LIPA: variants seen among roughly 807,000 people sequenced by gnomAD.
LIPA encodes lysosomal acid lipase/cholesteryl ester hydrolase.
Under a neutral mutation model 40.6 loss-of-function variants are expected in LIPA, and 26 were observed. That is an observed-to-expected ratio of 0.64 (90% confidence interval 0.47 to 0.89). The LOEUF (loss-of-function observed/expected upper bound fraction) is 0.89. Ranked by LOEUF, LIPA falls within the 40% of genes least tolerant of loss-of-function variation. The pLI is 0.00. For synonymous variants in LIPA, 188 were observed against 168.4 expected (o/e 1.12, Z -0.90); for missense variants, 455 against 479.6 (o/e 0.95, Z 0.48).
intron 1 of LIPA, among the ~76,000 whole-genome samples, chr10:89,328,631 T>C (rs180687368): frequency 1.8e-4 from 27 of 152,218 alleles, no homozygotes; most frequent in African/African-American, 6.5e-4. Flanking sequence ...TACTTTAAGG[T>C]GGGAAGTGGA....
chr10:89,225,058 G>A (rs1441496389), intron 6 of LIPA, 34 bp downstream of exon 6: 18 of 1,611,194 alleles, frequency 1.1e-5, no homozygotes, highest in African/African-American at 2.7e-5. Flanking sequence ...GGAAATCTGC[G>A]GGGAGAGGAG....
chr10:89,342,391 G>A (rs1024697220), intron 1 of LIPA: 1 of 152,176 alleles, frequency 6.6e-6, no homozygotes, highest in East Asian at 1.9e-4. Flanking sequence ...AGGAGACCCT[G>A]GTTCTAAGAC....
In LIPA at chr10:89,384,807, C is replaced by T. The variant is rs1844193768; in HGVS notation, c.61+27984G>A. The T allele has an allele frequency of 7.5e-6, 10 of 1,333,590 alleles. No homozygotes were observed. The South Asian group carries it at 1.3e-4, about 17-fold the overall frequency. 82.6% of individuals were successfully genotyped at this position (1,333,590 alleles called of 1,614,324 possible). On this transcript the variant is annotated intron_variant, in intron 2 of 8. Transcript: ENST00000371837. ...AGAATGACTATGAAATTAAATAATGCAAACTTAAAGCTGTTGGAAATTTAC... is the reference window on the plus strand; with the variant it reads ...AGAATGACTATGAAATTAAATAATGTAAACTTAAAGCTGTTGGAAATTTAC...
chr10:89,378,046 G>C (rs1262123171), intron 2 of LIPA: 1 of 1,414,114 alleles, frequency 7.1e-7, no homozygotes, highest in Non-Finnish European at 1.0e-6. Context: ...ATGCTTATCT[G>C]AGAAGCCCTA....
rs1449941002 is a variant in LIPA at position 89,214,857 on chromosome 10, T to C, written c.1171A>G (p.Ile391Val). 6 of 1,609,280 alleles carry C rather than the reference T, an allele frequency of 3.7e-6. No individual in the cohort carries two copies. The East Asian group carries it at 1.3e-4, about 36-fold the overall frequency. Residue 391 changes from isoleucine to valine, a missense_variant, in exon 10 of 10, where the codon ATT becomes GTT. By Grantham distance (29) the Ile-to-Val change is conservative. Coordinates refer to ENST00000336233, the MANE Select transcript of LIPA (RefSeq NM_000235.4). ...LDAPWRLYNK[I>V]INLMRKYQ ...TGATATTTCCTCATTAGATTAATAA[T>C]TTTATTATAAAGCCTCCAAGGGGCA...
intron 2 of LIPA, among the ~76,000 whole-genome samples, chr10:89,378,741 G>C (rs921481184): frequency 6.6e-5 from 10 of 152,228 alleles, no homozygotes; most frequent in Non-Finnish European, 1.3e-4. Context: ...AGAGGGGCAA[G>C]ATGAGAATAT....
At chr10:89,250,098 C>T (rs372129646) in intron 1 of LIPA, among the ~76,000 whole-genome samples, 13,057 of 94,634 alleles carry the variant, frequency 0.14, 1,354 homozygotes, top group South Asian at 0.21. Flanking sequence ...TTTTTCTTTT[C>T]TTTTCTTTCT....
intron 1 of LIPA, chr10:89,339,733 T>A: frequency 6.2e-7 from 1 of 1,614,096 alleles, no homozygotes; most frequent in Non-Finnish European, 8.5e-7. Flanking sequence ...AAAGCAACAA[T>A]CCCATCAGCG....
rs1400021437 is a variant in LIPA, at chr10:89,227,584, C to G, written c.429-580G>C. Among the ~76,000 whole-genome samples, 4 of 152,280 alleles carry G rather than the reference C, an allele frequency of 2.6e-5. No homozygotes were observed. The East Asian group carries it at 7.7e-4, about 29-fold the overall frequency. ...TAATACCTGGTACCAAAACATAGACCAAAACCCAAGTGTGCGTATGGGTAT... is the reference window on the plus strand; with the variant it reads ...TAATACCTGGTACCAAAACATAGACGAAAACCCAAGTGTGCGTATGGGTAT... On this transcript the variant is annotated intron_variant, in intron 4 of 9. Coordinates refer to ENST00000336233, the MANE Select transcript of LIPA (RefSeq NM_000235.4).
chr10:89,282,635 C>A (rs772192542), intron 1 of LIPA, among the ~76,000 whole-genome samples: 1 of 151,342 alleles, frequency 6.6e-6, no homozygotes, highest in African/African-American at 2.4e-5. Flanking sequence ...AGCGAAACTC[C>A]GTCTCAAAAA....
At chr10:89,327,602 C>T (rs1342636165) in intron 1 of LIPA, among the ~76,000 whole-genome samples, 1 of 151,944 alleles carries the variant, frequency 6.6e-6, no homozygotes, top group Non-Finnish European at 1.5e-5. Flanking sequence ...TTAGTAATTC[C>T]AAAAGGAAAA....
At chr10:89,231,714 G>A (rs771798179) in intron 3 of LIPA, among the ~76,000 whole-genome samples, 2 of 152,224 alleles carry the variant, frequency 1.3e-5, no homozygotes, top group Non-Finnish European at 2.9e-5. Context: ...CTGGCCTCAA[G>A]TGATTCTCTC....
intron 8 of LIPA, among the ~76,000 whole-genome samples, chr10:89,218,648 G>T (rs1354626117): frequency 1.3e-5 from 2 of 152,154 alleles, no homozygotes; most frequent in Non-Finnish European, 2.9e-5. Flanking sequence ...GCCTTCCTGT[G>T]AGTTGGAAGA....
At chr10:89,410,985 A>AAAAC (rs1841465491) in intron 2 of LIPA, among the ~76,000 whole-genome samples, 1 of 152,260 alleles carries the variant, frequency 6.6e-6, no homozygotes, top group Admixed American at 6.5e-5. Flanking sequence ...TAGTAAAGAA[A>AAAAC]AAACAGTGTA....
At chr10:89,394,548 TA>T (rs1182605702) in intron 2 of LIPA, among the ~76,000 whole-genome samples, 2 of 148,202 alleles carry the variant, frequency 1.3e-5, no homozygotes, top group African/African-American at 5.0e-5. Flanking sequence ...TTCCTGCTTT[TA>T]TGTTTATGTC....
At chr10:89,412,563 T>C (rs1458575272) in intron 2 of LIPA, 4 of 172,258 alleles carry the variant, frequency 2.3e-5, no homozygotes, top group Admixed American at 6.3e-5. Context: ...AGTTTTGTTC[T>C]TTCGCTCTTC....
rs574854855 is a variant in LIPA, at chr10:89,379,020, A to G, written c.61+33771T>C. Reference sequence around the variant, plus strand: ...CATTGAGATCCTTTTAATATACAAAATACTCTTTTAGGCATCCAGGTGAGA... The same window carrying G: ...CATTGAGATCCTTTTAATATACAAAGTACTCTTTTAGGCATCCAGGTGAGA... On this transcript the variant is annotated intron_variant, in intron 2 of 8. Coordinates refer to the LIPA transcript ENST00000371837. Among the ~76,000 whole-genome samples, 129 of 152,308 alleles carry G rather than the reference A, an allele frequency of 8.5e-4. 1 individual carries two copies. The highest frequency in any genetic ancestry group is 3.0e-3 in the African/African-American group (126 of 41,568).
intron 1 of LIPA, among the ~76,000 whole-genome samples, chr10:89,251,136 C>T (rs1208443137): frequency 1.3e-5 from 2 of 152,238 alleles, no homozygotes; most frequent in Admixed American, 1.3e-4. Context: ...GAGGCGCCAG[C>T]CACCGCAGGC....
chr10:89,337,068 T>C (rs1383888804), intron 1 of LIPA, among the ~76,000 whole-genome samples: 1 of 152,212 alleles, frequency 6.6e-6, no homozygotes, highest in East Asian at 1.9e-4. Flanking sequence ...GAATCTGGCC[T>C]GTGTGGTGGG....
Sources: allele counts gnomAD v4.1 joint callset (sites outside exome capture counted in the v4.1 genomes callset), GRCh38; gene constraint gnomAD v4.1.1; transcripts MANE v1.5; gene names NCBI Gene and HGNC (gene_info 2026-07-23, HGNC 2026-07-21).